Variants in DGKB observed in about 807,000 individuals in gnomAD.
DGKB encodes 90 kDa diacylglycerol kinase.
DGKB carries 67 observed loss-of-function variants against 114.3 expected under a neutral mutation model. That is an observed-to-expected ratio of 0.59 (90% CI 0.48 to 0.72). The LOEUF is 0.72. Ranked by LOEUF, DGKB falls within the 30% of genes least tolerant of loss-of-function variation. The pLI, the probability that DGKB is intolerant of heterozygous loss-of-function variation, is 0.00. For synonymous variants in DGKB, 398 were observed against 323.1 expected (o/e 1.23, Z -2.49); for missense variants, 907 against 975.2 (o/e 0.93, Z 0.93).
chr7:14,547,327 A>G (rs1332279692), intron 20 of DGKB, among the ~76,000 whole-genome samples: 1 of 152,168 alleles, frequency 6.6e-6, no homozygotes, highest in African/African-American at 2.4e-5. Flanking sequence ...CATACCACAT[A>G]AAGGATATAG....
At chr7:14,276,391 T>G (rs1296015039) in intron 23 of DGKB, among the ~76,000 whole-genome samples, 1 of 152,180 alleles carries the variant, frequency 6.6e-6, no homozygotes, top group Non-Finnish European at 1.5e-5. Flanking sequence ...TGATAAAATA[T>G]GAATTAAATC....
intron 1 of DGKB, among the ~76,000 whole-genome samples, chr7:14,870,577 C>T (rs1207792843): frequency 3.3e-5 from 5 of 152,172 alleles, no homozygotes; most frequent in African/African-American, 7.2e-5. Context: ...GAGGGCAGAT[C>T]GCGACATCAG....
intron 21 of DGKB, among the ~76,000 whole-genome samples, chr7:14,349,210 T>C (rs1003189926): frequency 6.6e-6 from 1 of 151,912 alleles, no homozygotes; most frequent in African/African-American, 2.4e-5. Flanking sequence ...TGAGGTAGAA[T>C]CAATAGGAAC....
chr7:14,689,196 C>CTTATTTTTTTTATT, intron 9 of DGKB, among the ~76,000 whole-genome samples: 5 of 80,318 alleles, frequency 6.2e-5, no homozygotes, highest in South Asian at 4.5e-4. Flanking sequence ...AGAAACTCCT[C>CTTATTTTTTTTATT]TTATTTTTTT....
intron 23 of DGKB, among the ~76,000 whole-genome samples, chr7:14,261,810 C>A (rs1026245836): frequency 2.0e-5 from 3 of 152,074 alleles, no homozygotes; most frequent in Admixed American, 6.6e-5. Flanking sequence ...CAGCCTGATT[C>A]TTTTACGACT....
At chr7:14,920,641 C>T (rs1784468390) in intron 1 of DGKB, among the ~76,000 whole-genome samples, 1 of 152,128 alleles carries the variant, frequency 6.6e-6, no homozygotes, top group Admixed American at 6.6e-5. Context: ...AATCACACTC[C>T]TAAGTATATA....
intron 1 of DGKB, among the ~76,000 whole-genome samples, chr7:14,877,155 CTTTTTAA>C (rs955248729): frequency 3.9e-5 from 6 of 152,202 alleles, no homozygotes; most frequent in Non-Finnish European, 5.9e-5. Flanking sequence ...TGTTGTCTCT[CTTTTTAA>C]TCTCAGAGAA....
chr7:14,967,509 C>T (rs548455164), intron 1 of DGKB, among the ~76,000 whole-genome samples: 3 of 151,598 alleles, frequency 2.0e-5, no homozygotes, highest in Admixed American at 6.6e-5. Flanking sequence ...TTAGTAGAGA[C>T]GAGGTTTCAC....
At position 14,176,827 on chromosome 7, in the gene DGKB, C is replaced by G; in HGVS notation, c.2304+12G>C. On this transcript the variant is annotated intron_variant, in intron 25 of 25. Transcript: ENST00000402815. ...TGAGATTGACATAGCATATCAACTA[C>G]TCTGTACTCACTGTGCATGGGGTCT... 1 of 1,613,684 alleles carries G rather than the reference C, an allele frequency of 6.2e-7. No individual in the cohort carries two copies. The highest frequency in any genetic ancestry group is 1.1e-5 in the South Asian group (1 of 91,060).
At chr7:14,348,165 C>G (rs1562984046) in intron 21 of DGKB, among the ~76,000 whole-genome samples, 1 of 150,884 alleles carries the variant, frequency 6.6e-6, no homozygotes, top group African/African-American at 2.4e-5. Context: ...CTACCTGCCC[C>G]CACTCCCTCC....
At chr7:14,971,937 G>A (rs1787497982) in intron 1 of DGKB, among the ~76,000 whole-genome samples, 1 of 151,902 alleles carries the variant, frequency 6.6e-6, no homozygotes, top group African/African-American at 2.4e-5. Flanking sequence ...GTAGAGATGG[G>A]GTTTCACCAC....
chr7:14,952,752 C>G (rs1394376367), intron 1 of DGKB, among the ~76,000 whole-genome samples: 1 of 151,936 alleles, frequency 6.6e-6, no homozygotes, highest in African/African-American at 2.4e-5. Flanking sequence ...AAGCGAGACT[C>G]TGTCTCAAAA....
intron 23 of DGKB, among the ~76,000 whole-genome samples, chr7:14,258,141 T>C (rs1325743280): frequency 6.6e-6 from 1 of 152,228 alleles, no homozygotes; most frequent in African/African-American, 2.4e-5. Context: ...AAAAATTTCT[T>C]CTAACTGTGA....
intron 1 of DGKB, among the ~76,000 whole-genome samples, chr7:14,880,820 T>C (rs1854107987): frequency 6.6e-6 from 1 of 152,198 alleles, no homozygotes; most frequent in Non-Finnish European, 1.5e-5. Flanking sequence ...TATATTTGCT[T>C]ATACAACTAC....
intron 1 of DGKB, among the ~76,000 whole-genome samples, chr7:14,899,677 G>T (rs1411857423): frequency 1.3e-5 from 2 of 152,036 alleles, no homozygotes; most frequent in Admixed American, 1.3e-4. Context: ...CCAAAGCAAA[G>T]CCTGAAATTG....
chr7:14,948,399 T>G (rs1345238471), intron 1 of DGKB, among the ~76,000 whole-genome samples: 1 of 151,776 alleles, frequency 6.6e-6, no homozygotes, highest in Non-Finnish European at 1.5e-5. Flanking sequence ...CACTACTGGT[T>G]TCATTAGAAT....
intron 13 of DGKB, among the ~76,000 whole-genome samples, chr7:14,665,536 A>G (rs1817882485): frequency 6.6e-6 from 1 of 152,084 alleles, no homozygotes; most frequent in Admixed American, 6.6e-5. Flanking sequence ...TAAAATAAGG[A>G]ATATTGTTTC....
intron 13 of DGKB, among the ~76,000 whole-genome samples, chr7:14,665,092 ATATTAACAC>A (rs1817795895): frequency 6.6e-6 from 1 of 152,032 alleles, no homozygotes; most frequent in East Asian, 1.9e-4. Context: ...AATAATCAGC[ATATTAACAC>A]TATGTCATTC....
At chr7:14,800,799 A>G (rs1195338430) in intron 2 of DGKB, among the ~76,000 whole-genome samples, 1 of 152,160 alleles carries the variant, frequency 6.6e-6, no homozygotes, top group East Asian at 1.9e-4. Context: ...ATGTTGGCTT[A>G]GTATTACCAT....
Sources: gnomAD v4.1 joint callset for allele counts (sites outside exome capture counted in the v4.1 genomes callset) on GRCh38, gnomAD v4.1.1 for gene constraint, MANE v1.5 for transcripts, NCBI Gene and HGNC (gene_info 2026-07-23, HGNC 2026-07-21) for gene names.